The following LRP1B variants were observed in gnomAD, a reference collection of about 807,000 sequenced individuals.
LRP1B encodes the protein low-density lipoprotein receptor-related protein 1B.
In LRP1B, 217 loss-of-function variants were observed where a neutral mutation model predicts 556.6. The ratio of observed to expected loss-of-function variants is 0.39; its 90% CI spans 0.35 to 0.44. The LOEUF (loss-of-function observed/expected upper bound fraction) is 0.44, where lower values mean the gene tolerates loss of function less well. Ranked by LOEUF, LRP1B falls within the 20% of genes least tolerant of loss-of-function variation. The probability of loss-of-function intolerance (pLI) is 1.00; values close to 1 mark genes in which losing one functional copy is unlikely to be tolerated. For missense variants in LRP1B, 5,053 were observed against 5,620.8 expected (o/e 0.90, Z 3.23); for synonymous variants, 2,047 against 1,865.8 (o/e 1.10, Z -2.50).
chr2:141,926,039 A>G (rs889996703), intron 1 of LRP1B, among the ~76,000 whole-genome samples: 1 of 152,198 alleles, frequency 6.6e-6, no homozygotes, highest in African/African-American at 2.4e-5. Flanking sequence ...CATCATGTAC[A>G]GTATTTTGCT....
intron 1 of LRP1B, among the ~76,000 whole-genome samples, chr2:141,929,332 C>T (rs556287511): frequency 6.6e-6 from 1 of 152,178 alleles, no homozygotes; most frequent in East Asian, 1.9e-4. Flanking sequence ...GTCAACAATG[C>T]ACTTCATAGG....
chr2:140,478,439 G>T (rs531163735), intron 59 of LRP1B, among the ~76,000 whole-genome samples: 13 of 152,082 alleles, frequency 8.5e-5, no homozygotes, highest in Non-Finnish European at 1.9e-4. Flanking sequence ...GTGAGCCACC[G>T]TGCCAATTTA....
intron 2 of LRP1B, among the ~76,000 whole-genome samples, chr2:141,727,420 G>C (rs1016948340): frequency 3.9e-5 from 6 of 152,148 alleles, no homozygotes; most frequent in African/African-American, 1.4e-4. Flanking sequence ...GCAGCAATAT[G>C]ACACAGGTTG....
intron 47 of LRP1B, among the ~76,000 whole-genome samples, chr2:140,529,852 G>A (rs924549972): frequency 2.6e-5 from 4 of 151,952 alleles, no homozygotes; most frequent in South Asian, 4.2e-4. Flanking sequence ...ACAAAATGAC[G>A]AACTTATGAA....
intron 14 of LRP1B, 30 bp from the exon 15 acceptor site, chr2:141,005,487 A>T: frequency 6.2e-7 from 1 of 1,605,798 alleles, no homozygotes; most frequent in South Asian, 1.1e-5. Context: ...AATGTGTCAG[A>T]GAACTCTGAT....
chr2:141,294,645 TG>T (rs1472180306), intron 3 of LRP1B, among the ~76,000 whole-genome samples: 1 of 148,650 alleles, frequency 6.7e-6, no homozygotes, highest in Non-Finnish European at 1.5e-5. Flanking sequence ...AAGGCTGAGG[TG>T]GGGGGATGGC....
intron 32 of LRP1B, among the ~76,000 whole-genome samples, chr2:140,800,615 A>G (rs2105007562): frequency 6.6e-6 from 1 of 152,304 alleles, no homozygotes; most frequent in Non-Finnish European, 1.5e-5. Context: ...AAAAATAATA[A>G]TGTTGTTCGG....
intron 37 of LRP1B, among the ~76,000 whole-genome samples, chr2:140,714,370 G>C (rs906444315): frequency 2.6e-5 from 4 of 152,124 alleles, no homozygotes; most frequent in Non-Finnish European, 5.9e-5. Context: ...CTAGAGACAA[G>C]TAGGTGTAGT....
intron 43 of LRP1B, among the ~76,000 whole-genome samples, chr2:140,588,114 AAAG>A (rs760397691): frequency 2.6e-5 from 4 of 152,202 alleles, no homozygotes; most frequent in African/African-American, 7.2e-5. Flanking sequence ...GTAAGCAATT[AAAG>A]AAGAAGCCTG....
At chr2:141,348,457 T>C (rs1688330554) in intron 3 of LRP1B, among the ~76,000 whole-genome samples, 1 of 151,976 alleles carries the variant, frequency 6.6e-6, no homozygotes, top group South Asian at 2.1e-4. Flanking sequence ...TAATAGGTAT[T>C]AATCAACATT....
At chr2:141,062,832 C>T (rs947758994) in intron 7 of LRP1B, among the ~76,000 whole-genome samples, 1 of 151,820 alleles carries the variant, frequency 6.6e-6, no homozygotes, top group Non-Finnish European at 1.5e-5. Flanking sequence ...CCCACCAAAA[C>T]TTATCCCAAA....
intron 3 of LRP1B, among the ~76,000 whole-genome samples, chr2:141,392,225 G>A (rs1353743646): frequency 1.3e-5 from 2 of 152,018 alleles, no homozygotes; most frequent in South Asian, 2.1e-4. Context: ...ATATGCCTAA[G>A]TAGTTTACCA....
chr2:141,409,962 C>T (rs952605859), intron 3 of LRP1B, among the ~76,000 whole-genome samples: 5 of 151,908 alleles, frequency 3.3e-5, no homozygotes, highest in Admixed American at 6.6e-5. Flanking sequence ...ACTGAGTTCA[C>T]TGTAGAGGAA....
chr2:140,898,871 G>T, intron 23 of LRP1B: 2 of 420,498 alleles, frequency 4.8e-6, no homozygotes, highest in South Asian at 3.6e-5. Flanking sequence ...GACATAGTAG[G>T]AGAGCTGCAG....
intron 41 of LRP1B, among the ~76,000 whole-genome samples, chr2:140,684,198 A>G (rs1335343570): frequency 6.6e-6 from 1 of 152,216 alleles, no homozygotes; most frequent in African/African-American, 2.4e-5. Flanking sequence ...TCTATGTACA[A>G]ATGCATGGCT....
chr2:140,342,955 C>T (rs1388491470), intron 77 of LRP1B, among the ~76,000 whole-genome samples: 1 of 151,512 alleles, frequency 6.6e-6, no homozygotes, highest in African/African-American at 2.4e-5. Flanking sequence ...AGAAGTAAAT[C>T]TTCTATATAG....
intron 3 of LRP1B, among the ~76,000 whole-genome samples, chr2:141,257,452 A>G (rs1446336874): frequency 6.6e-6 from 1 of 152,176 alleles, no homozygotes; most frequent in Admixed American, 6.5e-5. Context: ...TATGGATCCC[A>G]TCTTTCTACT....
chr2:141,970,661 T>C (rs557533753), intron 1 of LRP1B, among the ~76,000 whole-genome samples: 1 of 151,664 alleles, frequency 6.6e-6, no homozygotes, highest in Non-Finnish European at 1.5e-5. Context: ...TCGAATCTGA[T>C]AAAAACACCA....
intron 2 of LRP1B, among the ~76,000 whole-genome samples, chr2:141,512,195 A>G (rs1008014976): frequency 1.3e-5 from 2 of 152,166 alleles, no homozygotes; most frequent in African/African-American, 4.8e-5. Context: ...TATCATGTTT[A>G]TTAAGCCTTC....
Sources: gnomAD v4.1 joint callset for allele counts (sites outside exome capture counted in the v4.1 genomes callset) on GRCh38, gnomAD v4.1.1 for gene constraint, MANE v1.5 for transcripts, NCBI Gene and HGNC (gene_info 2026-07-23, HGNC 2026-07-21) for gene names.